CCDC85A: variants seen among roughly 807,000 people sequenced by gnomAD.
CCDC85A encodes the protein coiled-coil domain containing 85A.
Under a neutral mutation model 50.2 loss-of-function variants are expected in CCDC85A, and 38 were observed. That is an observed-to-expected ratio of 0.76 (90% CI 0.58 to 0.99). CCDC85A has a LOEUF of 0.99. CCDC85A is among the 50% of genes least tolerant of loss of function. The pLI, the probability that CCDC85A is intolerant of heterozygous loss-of-function variation, is 0.00. For synonymous variants in CCDC85A, 366 were observed against 301.4 expected, an observed-to-expected ratio of 1.21 and a Z score of -2.22; for missense variants, 820 against 742.0, an observed-to-expected ratio of 1.11 and a Z score of -1.22.
intron 2 of CCDC85A, among the ~76,000 whole-genome samples, chr2:56,247,515 G>C (rs1027083026): frequency 2.0e-5 from 3 of 152,144 alleles, no homozygotes; most frequent in Non-Finnish European, 1.5e-5. Context: ...AGACCATTTA[G>C]GCTTTTAATG....
At chr2:56,273,952 A>G (rs987471665) in intron 2 of CCDC85A, among the ~76,000 whole-genome samples, 1 of 152,214 alleles carries the variant, frequency 6.6e-6, no homozygotes, top group African/African-American at 2.4e-5. Flanking sequence ...GGCAATTGTT[A>G]TCTCTATGGA....
chr2:56,246,218 C>T (rs1669503493), intron 2 of CCDC85A, among the ~76,000 whole-genome samples: 2 of 152,132 alleles, frequency 1.3e-5, no homozygotes, highest in South Asian at 2.1e-4. Flanking sequence ...GCCACCACGC[C>T]CGGCCCAAGT....
chr2:56,285,335 G>T (rs539386333), intron 2 of CCDC85A, among the ~76,000 whole-genome samples: 3 of 150,674 alleles, frequency 2.0e-5, no homozygotes, highest in African/African-American at 7.3e-5. Context: ...AACTCCTGAC[G>T]TTAAGTGATC....
intron 2 of CCDC85A, among the ~76,000 whole-genome samples, chr2:56,319,260 T>C (rs1269247167): frequency 6.6e-6 from 1 of 152,086 alleles, no homozygotes; most frequent in African/African-American, 2.4e-5. Context: ...ATGGGAAAAC[T>C]GAGACACAGG....
At chr2:56,188,140 G>A (rs775201353) in intron 1 of CCDC85A, among the ~76,000 whole-genome samples, 4 of 152,144 alleles carry the variant, frequency 2.6e-5, no homozygotes, top group South Asian at 2.1e-4. Flanking sequence ...TCTGGTGGCC[G>A]GTGGCAATGT....
rs1676337504 is a variant in CCDC85A at position 56,192,432 on chromosome 2, C to G, written c.277-45C>G. ...TCCAGGAAGTCTGAGCCTGCTGACA[C>G]CTCAGATGTGTACTTCCCTTGAATG... On this transcript the variant is annotated intron_variant, in intron 1 of 5. Coordinates refer to ENST00000407595, the MANE Select transcript of CCDC85A (RefSeq NM_001080433.2). The surrounding 1 kb of genome is among the most constrained non-coding windows in gnomAD (Gnocchi z 4.7). The G allele has an allele frequency of 1.3e-6, 2 of 1,561,150 alleles. No individual in the cohort carries two copies. Among genetic ancestry groups the G allele is most frequent in the Non-Finnish European group, 1.7e-6 (2 of 1,153,086 alleles).
chr2:56,344,929 CA>C (rs111805515), intron 3 of CCDC85A, among the ~76,000 whole-genome samples: 47,720 of 143,078 alleles, frequency 0.33, 9,934 homozygotes, highest in African/African-American at 0.61. Context: ...GCCATCTTAT[CA>C]AAAAAAAAAA....
intron 2 of CCDC85A, among the ~76,000 whole-genome samples, chr2:56,246,018 G>T (rs1257121745): frequency 6.6e-6 from 1 of 152,162 alleles, no homozygotes; most frequent in Non-Finnish European, 1.5e-5. Context: ...TCCACCTCCT[G>T]GGTTCAAGTG....
chr2:56,382,215 A>G (rs766319280), intron 5 of CCDC85A, among the ~76,000 whole-genome samples: 15 of 152,062 alleles, frequency 9.9e-5, no homozygotes, highest in African/African-American at 3.4e-4. Flanking sequence ...ACTAGCAAAG[A>G]TTATGAAGGC....
chr2:56,344,961 A>T (rs1398538728), intron 3 of CCDC85A, among the ~76,000 whole-genome samples: 2 of 152,148 alleles, frequency 1.3e-5, no homozygotes, highest in African/African-American at 4.8e-5. Context: ...AAATGTGAAA[A>T]TGATGACAAG....
chr2:56,206,858 G>T (rs1249522421), intron 2 of CCDC85A, among the ~76,000 whole-genome samples: 1 of 152,108 alleles, frequency 6.6e-6, no homozygotes, highest in Non-Finnish European at 1.5e-5. Context: ...TATTTTTCTT[G>T]TAAAGGTTAT....
intron 2 of CCDC85A, among the ~76,000 whole-genome samples, chr2:56,297,375 A>G (rs902294537): frequency 6.8e-6 from 1 of 147,534 alleles, no homozygotes; most frequent in Non-Finnish European, 1.5e-5. Flanking sequence ...ATCTTTGGAT[A>G]CTAGTCTTTG....
At chr2:56,237,925 T>C (rs537312883) in intron 2 of CCDC85A, among the ~76,000 whole-genome samples, 1 of 152,300 alleles carries the variant, frequency 6.6e-6, no homozygotes, top group African/African-American at 2.4e-5. Flanking sequence ...GTTTCTCTTA[T>C]TGTATCCTCA....
intron 2 of CCDC85A, among the ~76,000 whole-genome samples, chr2:56,305,205 A>G (rs1237435070): frequency 6.6e-6 from 1 of 152,206 alleles, no homozygotes; most frequent in Non-Finnish European, 1.5e-5. Context: ...CTACTGGTAC[A>G]TGATCATTTT....
At position 56,375,909 on chromosome 2, in the gene CCDC85A, C is replaced by T; in HGVS notation, c.1546C>T (p.Pro516Ser). 6.2e-7 allele frequency: 1 copy of T among 1,613,758 alleles called. No homozygotes were observed. The highest frequency in any genetic ancestry group is 8.5e-7 in the Non-Finnish European group (1 of 1,179,790). The change falls in exon 5 of 6, where the codon CCT becomes TCT. Residue 516 changes from proline to serine, a missense_variant. Transcript: ENST00000407595. ...TGGACATGCCACACCTTCCCAGCAGCCTGAACCTGTGGTACATTCTCTTAA... is the reference window on the plus strand; with the variant it reads ...TGGACATGCCACACCTTCCCAGCAGTCTGAACCTGTGGTACATTCTCTTAA... ...FSGHATPSQQ[P>S]EPVVHSLKVV... is the part of the protein sequence containing the mutation.
intron 3 of CCDC85A, among the ~76,000 whole-genome samples, chr2:56,344,270 A>G (rs376150279): frequency 6.6e-6 from 1 of 152,204 alleles, no homozygotes; most frequent in East Asian, 1.9e-4. Context: ...ATTAAATACA[A>G]TAAGGGTTAC....
chr2:56,379,747 C>G, intron 5 of CCDC85A: 1 of 972,436 alleles, frequency 1.0e-6, no homozygotes, highest in Non-Finnish European at 1.2e-6. Flanking sequence ...TCAACAAATC[C>G]AGGTCTTGGA....
intron 5 of CCDC85A, among the ~76,000 whole-genome samples, chr2:56,378,295 T>C (rs1281559719): frequency 1.5e-5 from 2 of 130,874 alleles, no homozygotes; most frequent in Non-Finnish European, 3.2e-5. Context: ...ATAAAATCTG[T>C]GGTCATGGTT....
At position 56,385,301 on chromosome 2, in the gene CCDC85A, T is replaced by C. The variant is rs1558670486; in HGVS notation, c.*946T>C. 6.6e-6 allele frequency: 1 copy of C among 152,304 alleles called. No individual in the cohort carries two copies. Among genetic ancestry groups the C allele is most frequent in the Non-Finnish European group, 1.5e-5 (1 of 67,842 alleles). The allele number at this position is 152,304 out of a possible 1,614,324, so 9.4% of individuals were successfully genotyped here. ...ACTGCATTTATGAAAAAAGCTTTCTTTGCCTACTGCAGCTATCTAACATTT... is the reference window on the plus strand; with the variant it reads ...ACTGCATTTATGAAAAAAGCTTTCTCTGCCTACTGCAGCTATCTAACATTT... On this transcript the variant is annotated 3_prime_UTR_variant, in exon 6 of 6. Transcript: ENST00000407595.
Sources: allele counts gnomAD v4.1 joint callset (sites outside exome capture counted in the v4.1 genomes callset), GRCh38; gene constraint gnomAD v4.1.1; non-coding constraint Gnocchi (gnomAD v3.1); transcripts MANE v1.5; gene names NCBI Gene and HGNC (gene_info 2026-07-23, HGNC 2026-07-21).